Variants in ASAP2 observed in about 807,000 individuals in gnomAD.
ASAP2 encodes the protein arf-GAP with SH3 domain, ANK repeat and PH domain-containing protein 2.
In ASAP2, 45 loss-of-function variants were observed where a neutral mutation model predicts 131.4. That is an observed-to-expected ratio of 0.34 (90% CI 0.27 to 0.44). The LOEUF (loss-of-function observed/expected upper bound fraction) is 0.44, where lower values mean the gene tolerates loss of function less well. Ranked by LOEUF, ASAP2 falls within the 20% of genes least tolerant of loss-of-function variation. ASAP2 has a pLI of 1.00. For missense variants in ASAP2, 1,011 were observed against 1,297.0 expected, an observed-to-expected ratio of 0.78 and a Z score of 3.39; for synonymous variants, 510 against 503.0, an observed-to-expected ratio of 1.01 and a Z score of -0.19.
At chr2:9,224,209 C>T (rs908192336) in intron 1 of ASAP2, among the ~76,000 whole-genome samples, 1 of 152,066 alleles carries the variant, frequency 6.6e-6, no homozygotes. Flanking sequence ...TGACTGGTGC[C>T]GAGCAAGAGG....
intron 3 of ASAP2, among the ~76,000 whole-genome samples, chr2:9,304,636 A>C (rs1268692679): frequency 6.9e-6 from 1 of 144,506 alleles, no homozygotes; most frequent in African/African-American, 2.6e-5. Context: ...TGGAGTATAG[A>C]TATTGGTGGA....
chr2:9,249,949 G>A lies in ASAP2; in HGVS notation c.127-29368G>A, dbSNP rs567433906. On this transcript the variant is annotated intron_variant, in intron 1 of 27. Transcript: ENST00000281419. ...GGCCACCGTCTCCTGCCCATCAAAA[G>A]GCTACATGCCATGTGGAAGGAAGGC... Among the ~76,000 whole-genome samples, 16 of 152,330 alleles carry A rather than the reference G, an allele frequency of 1.1e-4. No individual in the cohort carries two copies. The South Asian group carries it at 3.3e-3, about 32-fold the overall frequency.
At chr2:9,284,076 A>G (rs1667308545) in intron 2 of ASAP2, among the ~76,000 whole-genome samples, 1 of 152,240 alleles carries the variant, frequency 6.6e-6, no homozygotes, top group Admixed American at 6.5e-5. Context: ...CAGATAATCC[A>G]GATAATCTCC....
chr2:9,299,564 A>C (rs1487834759), intron 3 of ASAP2, among the ~76,000 whole-genome samples: 1 of 152,180 alleles, frequency 6.6e-6, no homozygotes, highest in African/African-American at 2.4e-5. Flanking sequence ...AGGACCCAAC[A>C]CAGGAAAGCA....
In ASAP2 at chr2:9,378,913, A is replaced by G. The variant is rs75747797; in HGVS notation, c.1833-31A>G. ...CTGGTCGTCCAGCCTGTGACACACT[A>G]TGCTCTCTCTCTGTTCCTGTTCTCG... On this transcript the variant is annotated intron_variant, in intron 18 of 27. Transcript: ENST00000281419. The G allele has an allele frequency of 1.8e-4, 244 of 1,387,298 alleles. 2 individuals are homozygous for G. In the East Asian group the frequency reaches 6.5e-3, roughly 37 times the overall value. 85.9% of individuals were successfully genotyped at this position (1,387,298 alleles called of 1,614,324 possible). A position where few individuals can be genotyped will look rare whatever the true frequency, so the allele number is the denominator to read the frequency against.
At chr2:9,360,646 C>G (rs1249904008) in intron 15 of ASAP2, among the ~76,000 whole-genome samples, 1 of 152,130 alleles carries the variant, frequency 6.6e-6, no homozygotes, top group Non-Finnish European at 1.5e-5. Context: ...AAGTGAATTA[C>G]TCAATGTGAA....
intron 1 of ASAP2, among the ~76,000 whole-genome samples, chr2:9,270,995 G>A (rs1475061221): frequency 6.6e-6 from 1 of 151,378 alleles, no homozygotes; most frequent in Admixed American, 6.6e-5. Flanking sequence ...GGGTTTCACC[G>A]TGTTAGCCAG....
intron 1 of ASAP2, among the ~76,000 whole-genome samples, chr2:9,212,090 A>C (rs1203781253): frequency 6.6e-6 from 1 of 152,064 alleles, no homozygotes; most frequent in Admixed American, 6.5e-5. Context: ...TCAAGAGTAG[A>C]AGTACTGATG....
intron 1 of ASAP2, among the ~76,000 whole-genome samples, chr2:9,253,406 C>T (rs998473923): frequency 1.4e-5 from 2 of 145,424 alleles, no homozygotes; most frequent in South Asian, 2.2e-4. Context: ...TCAGGTGATC[C>T]GCCCGCGTTG....
intron 1 of ASAP2, among the ~76,000 whole-genome samples, chr2:9,233,595 G>A (rs1212751394): frequency 6.6e-6 from 1 of 152,200 alleles, no homozygotes; most frequent in Admixed American, 6.5e-5. Flanking sequence ...AGTGATTAGA[G>A]CATCTGCTTT....
chr2:9,270,938 G>A (rs1381006616), intron 1 of ASAP2, among the ~76,000 whole-genome samples: 1 of 151,076 alleles, frequency 6.6e-6, no homozygotes, highest in African/African-American at 2.4e-5. Flanking sequence ...GACTACAGGT[G>A]CCCGCCACTA....
chr2:9,374,707 C>T (rs763699620), intron 16 of ASAP2, 48 bp from the exon 17 acceptor site: 16 of 1,518,786 alleles, frequency 1.1e-5, no homozygotes, highest in South Asian at 3.8e-5. Flanking sequence ...GGCCGGACGG[C>T]GGGTAGAAGC....
chr2:9,331,403 T>C (rs1040496267), intron 7 of ASAP2, among the ~76,000 whole-genome samples: 2 of 152,236 alleles, frequency 1.3e-5, no homozygotes, highest in East Asian at 1.9e-4. Context: ...TAGTCTTTGC[T>C]CCTGAACATT....
intron 1 of ASAP2, among the ~76,000 whole-genome samples, chr2:9,264,190 C>A (rs1378145614): frequency 2.3e-4 from 29 of 123,608 alleles, no homozygotes; most frequent in South Asian, 5.1e-4. Flanking sequence ...GACCCTGTCT[C>A]AAAAAAATAA....
intron 1 of ASAP2, among the ~76,000 whole-genome samples, chr2:9,257,352 A>G (rs1206189348): frequency 6.6e-6 from 1 of 152,274 alleles, no homozygotes; most frequent in Admixed American, 6.5e-5. Flanking sequence ...CTTAGTAAGC[A>G]TTATGGAATG....
chr2:9,264,042 A>T (rs956479964), intron 1 of ASAP2, among the ~76,000 whole-genome samples: 4 of 151,976 alleles, frequency 2.6e-5, no homozygotes, highest in African/African-American at 9.7e-5. Flanking sequence ...AAATACAAAA[A>T]TTAACCAGGT....
chr2:9,302,587 G>C (rs971523029), intron 3 of ASAP2, among the ~76,000 whole-genome samples: 2 of 152,018 alleles, frequency 1.3e-5, no homozygotes, highest in Non-Finnish European at 2.9e-5. Flanking sequence ...CTATTCTTGT[G>C]CCTCAGCCTC....
Position 9,403,396 on chromosome 2 carries a change from A to G in ASAP2, c.*69A>G. Reference sequence around the variant, plus strand: ...TTATTGGTACCAAAACTCTTGCCAGATAACCAGTTTCATGAACTGTTTGTA... The same window carrying G: ...TTATTGGTACCAAAACTCTTGCCAGGTAACCAGTTTCATGAACTGTTTGTA... On this transcript the variant is annotated 3_prime_UTR_variant, in exon 28 of 28. Transcript: ENST00000281419. 6.0e-6 allele frequency: 9 copies of G among 1,493,446 alleles called. No homozygotes were observed. Among genetic ancestry groups the G allele is most frequent in the Non-Finnish European group, 8.4e-6 (9 of 1,076,018 alleles). The allele number at this position is 1,493,446 out of a possible 1,614,324, so 92.5% of individuals were successfully genotyped here.
intron 3 of ASAP2, among the ~76,000 whole-genome samples, chr2:9,302,045 G>A (rs1400750458): frequency 2.7e-5 from 4 of 149,816 alleles, no homozygotes; most frequent in East Asian, 2.0e-4. Flanking sequence ...GGATGGTCTC[G>A]ATCTCCTGAC....
Sources: gnomAD v4.1 joint callset for allele counts (sites outside exome capture counted in the v4.1 genomes callset) on GRCh38, gnomAD v4.1.1 for gene constraint, MANE v1.5 for transcripts, NCBI Gene and HGNC (gene_info 2026-07-23, HGNC 2026-07-21) for gene names.